The following EXOC6B variants were observed in gnomAD, a reference collection of about 807,000 sequenced individuals.
EXOC6B encodes the protein exocyst complex component 6B, also known as SEC15 homolog B.
In EXOC6B, 54 loss-of-function variants were observed where a neutral mutation model predicts 113.5. The observed-to-expected ratio is 0.48, with a 90% CI of 0.38 to 0.60. The LOEUF is 0.60. Among genes scored for constraint, EXOC6B ranks in the 20% least tolerant of loss-of-function variants. The probability of loss-of-function intolerance (pLI) is 0.00; values close to 1 mark genes in which losing one functional copy is unlikely to be tolerated. For missense variants in EXOC6B, 797 were observed against 977.5 expected (o/e 0.82, Z 2.46); for synonymous variants, 357 against 339.0 (o/e 1.05, Z -0.58).
At chr2:72,342,500 C>G (rs139030559) in intron 19 of EXOC6B, among the ~76,000 whole-genome samples, 101 of 152,202 alleles carry the variant, frequency 6.6e-4, no homozygotes, top group African/African-American at 2.3e-3. Flanking sequence ...CACCCTACAA[C>G]TTGTTAGGAT....
intron 20 of EXOC6B, among the ~76,000 whole-genome samples, chr2:72,297,185 T>C (rs1189863982): frequency 6.6e-6 from 1 of 152,196 alleles, no homozygotes; most frequent in East Asian, 1.9e-4. Flanking sequence ...TTAAATTTCA[T>C]ATGTCTTGGA....
At chr2:72,791,759 TA>T (rs924574737) in intron 1 of EXOC6B, among the ~76,000 whole-genome samples, 3 of 152,228 alleles carry the variant, frequency 2.0e-5, no homozygotes, top group Non-Finnish European at 2.9e-5. Flanking sequence ...GTCATCTTTT[TA>T]AACCTTCAAG....
rs142394707 is a variant in EXOC6B at position 72,452,872 on chromosome 2, T to C, written c.1980+12288A>G. ...TAAAAATAAACTCTGCCTATGTTCTTCCACTGCTGCTCTTCTTTATAATGA... is the reference window on the plus strand; with the variant it reads ...TAAAAATAAACTCTGCCTATGTTCTCCCACTGCTGCTCTTCTTTATAATGA... On this transcript the variant is annotated intron_variant, in intron 18 of 21. Coordinates refer to ENST00000272427, the MANE Select transcript of EXOC6B (RefSeq NM_015189.3). Among the ~76,000 whole-genome samples, 44 of 152,312 alleles carry C rather than the reference T, an allele frequency of 2.9e-4. No homozygotes were observed. The East Asian group carries it at 6.6e-3, about 23-fold the overall frequency.
intron 20 of EXOC6B, among the ~76,000 whole-genome samples, chr2:72,232,246 A>G (rs1472042731): frequency 6.6e-6 from 1 of 152,110 alleles, no homozygotes; most frequent in Non-Finnish European, 1.5e-5. Context: ...AAGTGCTGGT[A>G]TTACAGGTGT....
chr2:72,802,480 A>T (rs1685341101), intron 1 of EXOC6B, among the ~76,000 whole-genome samples: 1 of 152,128 alleles, frequency 6.6e-6, no homozygotes. Context: ...ATCAAGTATA[A>T]ATTGAACCAT....
At chr2:72,722,321 T>C (rs1680061197) in intron 5 of EXOC6B, among the ~76,000 whole-genome samples, 2 of 152,110 alleles carry the variant, frequency 1.3e-5, no homozygotes, top group Non-Finnish European at 2.9e-5. Context: ...TTCAGTTCCA[T>C]CCTTAAAAAG....
intron 11 of EXOC6B, among the ~76,000 whole-genome samples, chr2:72,508,577 G>T (rs58967293): frequency 0.21 from 31,532 of 151,926 alleles, 5,202 homozygotes; most frequent in African/African-American, 0.46. Context: ...TTCAAGACCA[G>T]CCTGGCCAAC....
intron 8 of EXOC6B, among the ~76,000 whole-genome samples, chr2:72,548,926 T>C (rs373882041): frequency 1.1e-4 from 16 of 152,000 alleles, no homozygotes; most frequent in Middle Eastern, 3.4e-3. Context: ...AATAAATAAG[T>C]GTGTGAACCC....
At chr2:72,588,874 C>A (rs1214641937) in intron 6 of EXOC6B, among the ~76,000 whole-genome samples, 2 of 151,896 alleles carry the variant, frequency 1.3e-5, no homozygotes, top group African/African-American at 4.8e-5. Flanking sequence ...TTACAGAATT[C>A]TTTAGTGAAT....
intron 1 of EXOC6B, among the ~76,000 whole-genome samples, chr2:72,783,773 A>G (rs75728334): frequency 0.013 from 1,983 of 152,212 alleles, 22 homozygotes; most frequent in Middle Eastern, 0.02. Flanking sequence ...AGAGTTGCAA[A>G]TATTTTCTCC....
chr2:72,295,935 T>C (rs1373530198), intron 20 of EXOC6B, among the ~76,000 whole-genome samples: 5 of 152,232 alleles, frequency 3.3e-5, no homozygotes, highest in African/African-American at 1.2e-4. Flanking sequence ...AAACATTTTG[T>C]AAGGAGCGTT....
intron 8 of EXOC6B, among the ~76,000 whole-genome samples, chr2:72,551,263 T>A (rs1244775348): frequency 1.3e-5 from 2 of 152,032 alleles, no homozygotes; most frequent in Admixed American, 1.3e-4. Flanking sequence ...AGTGGCGCGA[T>A]CTCGGCTCAC....
intron 16 of EXOC6B, among the ~76,000 whole-genome samples, chr2:72,482,148 T>C (rs1699137208): frequency 6.6e-6 from 1 of 152,206 alleles, no homozygotes; most frequent in Admixed American, 6.5e-5. Context: ...TCTGAAGTGC[T>C]GCATGATTGT....
chr2:72,249,023 G>A (rs112861852), intron 20 of EXOC6B, among the ~76,000 whole-genome samples: 2,653 of 152,288 alleles, frequency 0.017, 68 homozygotes, highest in African/African-American at 0.058. Context: ...CAGGCTTTTG[G>A]GAGGCCAAGG....
chr2:72,438,325 A>G (rs1055869779), intron 18 of EXOC6B, among the ~76,000 whole-genome samples: 4 of 151,832 alleles, frequency 2.6e-5, no homozygotes, highest in Admixed American at 6.6e-5. Context: ...AAAAAAAAAA[A>G]GTTGGCTGGG....
chr2:72,268,812 T>G (rs1022114346), intron 20 of EXOC6B, among the ~76,000 whole-genome samples: 2 of 152,164 alleles, frequency 1.3e-5, no homozygotes, highest in Non-Finnish European at 2.9e-5. Flanking sequence ...TGTGACATGC[T>G]GGCTCCCCTT....
rs188179134 is a variant in EXOC6B, at chr2:72,431,152, G to C, written c.1980+34008C>G. On this transcript the variant is annotated intron_variant, in intron 18 of 21. Transcript: ENST00000272427. ...ACTAAGGCCCCAGTATCATTTTTAA[G>C]TATTATAATTTTTAGCGTTTAATAC... Among the ~76,000 whole-genome samples the C allele has an allele frequency of 3.8e-4, 58 of 152,226 alleles. 1 individual carries two copies. In the East Asian group the frequency reaches 0.011, roughly 28 times the overall value.
chr2:72,605,707 C>T (rs1670713024), intron 6 of EXOC6B, among the ~76,000 whole-genome samples: 1 of 152,176 alleles, frequency 6.6e-6, no homozygotes, highest in African/African-American at 2.4e-5. Context: ...CTAATCCATT[C>T]CAGGCAAACA....
chr2:72,664,623 G>A (rs1461926647), intron 6 of EXOC6B, among the ~76,000 whole-genome samples: 1 of 152,214 alleles, frequency 6.6e-6, no homozygotes, highest in African/African-American at 2.4e-5. Context: ...CCTTCAAGGC[G>A]ATCCATCTTC....
Sources: gnomAD v4.1 joint callset for allele counts (sites outside exome capture counted in the v4.1 genomes callset) on GRCh38, gnomAD v4.1.1 for gene constraint, MANE v1.5 for transcripts, NCBI Gene and HGNC (gene_info 2026-07-23, HGNC 2026-07-21) for gene names.